RANBP2: variants seen among roughly 807,000 people sequenced by gnomAD.
RANBP2 encodes E3 SUMO-protein ligase RanBP2.
In RANBP2, 57 loss-of-function variants were observed where a neutral mutation model predicts 303.6. The ratio of observed to expected loss-of-function variants is 0.19; its 90% CI spans 0.15 to 0.23. The LOEUF (loss-of-function observed/expected upper bound fraction) is 0.23, where lower values mean the gene tolerates loss of function less well. Among genes scored for constraint, RANBP2 ranks in the 10% least tolerant of loss-of-function variants. The pLI is 1.00. For synonymous variants in RANBP2, 1,167 were observed against 1,301.5 expected, an observed-to-expected ratio of 0.90 and a Z score of 2.23; for missense variants, 3,138 against 3,780.8, an observed-to-expected ratio of 0.83 and a Z score of 4.46.
chr2:109,643,432 A>C, the RANBP2 span, among the ~76,000 whole-genome samples: 1 of 152,160 alleles, frequency 6.6e-6, no homozygotes, highest in Non-Finnish European at 1.5e-5. Context: ...TACAGGTCTT[A>C]AAGACCTTGC....
At chr2:108,994,057 T>C in the RANBP2 span, among the ~76,000 whole-genome samples, 11 of 152,216 alleles carry the variant, frequency 7.2e-5, no homozygotes, top group African/African-American at 2.2e-4. Flanking sequence ...CCAAATACCA[T>C]CACCTAGGAG....
the RANBP2 span, among the ~76,000 whole-genome samples, chr2:109,515,227 C>A: frequency 6.6e-6 from 1 of 152,188 alleles, no homozygotes; most frequent in South Asian, 2.1e-4. Flanking sequence ...GCACCCAGCA[C>A]CCCATGATGG....
chr2:109,130,535 C>T, the RANBP2 span, among the ~76,000 whole-genome samples: 1 of 152,164 alleles, frequency 6.6e-6, no homozygotes, highest in Non-Finnish European at 1.5e-5. Context: ...CTGATGGCTG[C>T]TCTGGGAAGC....
the RANBP2 span, among the ~76,000 whole-genome samples, chr2:109,123,573 T>C: frequency 6.6e-6 from 1 of 152,232 alleles, no homozygotes; most frequent in South Asian, 2.1e-4. Context: ...GGATGTAAAA[T>C]ATAGACTCAA....
At chr2:109,125,121 G>A in the RANBP2 span, among the ~76,000 whole-genome samples, 1 of 152,204 alleles carries the variant, frequency 6.6e-6, no homozygotes, top group Non-Finnish European at 1.5e-5. Flanking sequence ...TGTTGCCAAG[G>A]CGTGCCCCCA....
the RANBP2 span, chr2:109,490,488 A>C: frequency 1.1e-6 from 1 of 941,864 alleles, no homozygotes; most frequent in East Asian, 3.0e-5. Flanking sequence ...TTTTGTCTGA[A>C]AAAATAAGAA....
At chr2:109,652,750 G>T in the RANBP2 span, among the ~76,000 whole-genome samples, 1 of 152,214 alleles carries the variant, frequency 6.6e-6, no homozygotes, top group Admixed American at 6.5e-5. Flanking sequence ...AGCCAGAGAG[G>T]TTTCTCAAAA....
the RANBP2 span, among the ~76,000 whole-genome samples, chr2:109,651,516 T>C: frequency 6.6e-6 from 1 of 152,126 alleles, no homozygotes. Flanking sequence ...CAACAAGAAA[T>C]AGACTGCTGT....
chr2:108,776,632 A>G (rs1017621925), intron 24 of RANBP2, among the ~76,000 whole-genome samples: 1 of 152,190 alleles, frequency 6.6e-6, no homozygotes, highest in Admixed American at 6.5e-5. Flanking sequence ...AAAATAAGGC[A>G]TGGGGCTTTC....
chr2:109,693,804 A>G, the RANBP2 span, among the ~76,000 whole-genome samples: 1 of 152,208 alleles, frequency 6.6e-6, no homozygotes, highest in Non-Finnish European at 1.5e-5. Flanking sequence ...TAAAATTTAT[A>G]AAACCAAACT....
the RANBP2 span, among the ~76,000 whole-genome samples, chr2:109,739,110 C>T: frequency 7.8e-6 from 1 of 128,674 alleles, no homozygotes; most frequent in African/African-American, 3.1e-5. Context: ...TTCCATTGGT[C>T]TATGTACATG....
the RANBP2 span, among the ~76,000 whole-genome samples, chr2:108,992,776 T>C: frequency 2.6e-5 from 4 of 152,180 alleles, no homozygotes; most frequent in African/African-American, 7.2e-5. Context: ...AGCTTCAAAT[T>C]TGTCCCACAA....
the RANBP2 span, among the ~76,000 whole-genome samples, chr2:109,211,277 T>C: frequency 6.6e-6 from 1 of 152,176 alleles, no homozygotes; most frequent in African/African-American, 2.4e-5. Flanking sequence ...TGTCCTGCCA[T>C]TTGCAGCAAG....
chr2:109,530,876 A>C, the RANBP2 span, among the ~76,000 whole-genome samples: 1 of 152,228 alleles, frequency 6.6e-6, no homozygotes, highest in South Asian at 2.1e-4. Context: ...CAGTTCCTGG[A>C]GTGGCCACTG....
chr2:109,551,378 A>G, the RANBP2 span, among the ~76,000 whole-genome samples: 1 of 152,254 alleles, frequency 6.6e-6, no homozygotes. Context: ...TAAAACTAAG[A>G]TTCATGCTAT....
At chr2:109,371,737 T>C in the RANBP2 span, 2 of 1,471,676 alleles carry the variant, frequency 1.4e-6, no homozygotes, top group Admixed American at 3.6e-5. Context: ...CTTGTTTCAC[T>C]ACAGTGGGGT....
the RANBP2 span, among the ~76,000 whole-genome samples, chr2:108,811,226 C>T: frequency 7.7e-6 from 1 of 130,052 alleles, no homozygotes; most frequent in Non-Finnish European, 1.6e-5. Context: ...TCTTCTCTCC[C>T]TTTTCTTTCT....
At chr2:109,548,881 A>G in the RANBP2 span, among the ~76,000 whole-genome samples, 2 of 152,138 alleles carry the variant, frequency 1.3e-5, no homozygotes, top group East Asian at 3.8e-4. Flanking sequence ...CTGGTCTAAT[A>G]AAACTGTTAT....
chr2:109,524,931 G>T, the RANBP2 span, among the ~76,000 whole-genome samples: 1 of 152,010 alleles, frequency 6.6e-6, no homozygotes, highest in Non-Finnish European at 1.5e-5. Flanking sequence ...CCTCCTCGGC[G>T]CAGATCTTCA....
Sources: allele counts gnomAD v4.1 joint callset (sites outside exome capture counted in the v4.1 genomes callset), GRCh38; gene constraint gnomAD v4.1.1; transcripts MANE v1.5; gene names NCBI Gene and HGNC (gene_info 2026-07-23, HGNC 2026-07-21).